PDE1C: variants seen among roughly 807,000 people sequenced by gnomAD.
PDE1C encodes the protein dual specificity calcium/calmodulin-dependent 3',5'-cyclic nucleotide phosphodiesterase 1C.
PDE1C carries 62 observed loss-of-function variants against 93.1 expected under a neutral mutation model. The observed-to-expected ratio is 0.67, with a 90% CI of 0.54 to 0.82. PDE1C has a LOEUF of 0.82. Ranked by LOEUF, PDE1C falls within the 40% of genes least tolerant of loss-of-function variation. PDE1C has a pLI of 0.00. For synonymous variants in PDE1C, 325 were observed against 310.1 expected (o/e 1.05, Z -0.50); for missense variants, 742 against 884.6 (o/e 0.84, Z 2.04).
chr7:32,107,632 C>T (rs1798397216), intron 3 of PDE1C, among the ~76,000 whole-genome samples: 1 of 151,960 alleles, frequency 6.6e-6, no homozygotes, highest in Non-Finnish European at 1.5e-5. Context: ...CACCAGTAGA[C>T]CTACCTTGCC....
intron 1 of PDE1C, among the ~76,000 whole-genome samples, chr7:32,381,777 T>C (rs1784539985): frequency 6.6e-6 from 1 of 152,184 alleles, no homozygotes; most frequent in South Asian, 2.1e-4. Flanking sequence ...AAAGAATATA[T>C]TTGTTTGCAT....
the PDE1C span, among the ~76,000 whole-genome samples, chr7:31,690,213 G>C: frequency 6.6e-6 from 1 of 152,136 alleles, no homozygotes; most frequent in Non-Finnish European, 1.5e-5. Context: ...ATTATACAAC[G>C]GGTCTTCCTT....
At chr7:31,989,082 GAAAGAAAC>G (rs893673993) in intron 2 of PDE1C, among the ~76,000 whole-genome samples, 1 of 144,260 alleles carries the variant, frequency 6.9e-6, no homozygotes, top group African/African-American at 2.6e-5. Flanking sequence ...AAGAGAGAGA[GAAAGAAAC>G]AAAGAAAGAA....
intron 3 of PDE1C, among the ~76,000 whole-genome samples, chr7:32,143,652 G>A (rs1459161405): frequency 6.6e-6 from 1 of 152,106 alleles, no homozygotes; most frequent in Non-Finnish European, 1.5e-5. Context: ...ATCTTCCTCT[G>A]CCCACAGCCA....
chr7:31,886,094 T>C (rs1469614887), intron 2 of PDE1C, among the ~76,000 whole-genome samples: 1 of 152,194 alleles, frequency 6.6e-6, no homozygotes, highest in Non-Finnish European at 1.5e-5. Context: ...GAGAGAGAAC[T>C]GGATCTTTTA....
At chr7:32,198,954 T>C (rs1804808518) in intron 2 of PDE1C, among the ~76,000 whole-genome samples, 1 of 151,338 alleles carries the variant, frequency 6.6e-6, no homozygotes, top group South Asian at 2.1e-4. Context: ...CTGTCTCTAC[T>C]GAAAAAAAAA....
the PDE1C span, chr7:31,653,708 T>C: frequency 1.3e-5 from 2 of 152,230 alleles, no homozygotes; most frequent in Admixed American, 1.3e-4. Context: ...TTTTCCCTTT[T>C]ACTTCATAAT....
the PDE1C span, chr7:31,658,418 T>C: frequency 6.7e-7 from 1 of 1,481,872 alleles, no homozygotes; most frequent in Non-Finnish European, 8.9e-7. Flanking sequence ...GAGAAAATAA[T>C]CAGTTTCCAG....
the PDE1C span, among the ~76,000 whole-genome samples, chr7:31,681,574 C>T: frequency 6.6e-6 from 1 of 152,160 alleles, no homozygotes; most frequent in Non-Finnish European, 1.5e-5. Context: ...TGGTAGAGCA[C>T]CCAATGCACC....
At chr7:31,663,520 C>T in the PDE1C span, among the ~76,000 whole-genome samples, 2 of 152,146 alleles carry the variant, frequency 1.3e-5, no homozygotes, top group African/African-American at 4.8e-5. Context: ...CGGAAAATAT[C>T]GGAGGATATA....
chr7:32,106,071 C>A (rs1352494890), intron 3 of PDE1C, among the ~76,000 whole-genome samples: 1 of 151,934 alleles, frequency 6.6e-6, no homozygotes, highest in Non-Finnish European at 1.5e-5. Context: ...GAGTGCAATG[C>A]TCTGATCATG....
chr7:31,852,838 C>T (rs1793514814), intron 7 of PDE1C, among the ~76,000 whole-genome samples: 1 of 142,068 alleles, frequency 7.0e-6, no homozygotes, highest in African/African-American at 2.6e-5. Context: ...ATTATCCATA[C>T]ATATATTACA....
At chr7:31,674,907 C>T in the PDE1C span, among the ~76,000 whole-genome samples, 3 of 152,126 alleles carry the variant, frequency 2.0e-5, no homozygotes, top group East Asian at 5.8e-4. Context: ...AAAACTCAAA[C>T]AAACAAACAA....
intron 1 of PDE1C, among the ~76,000 whole-genome samples, chr7:32,254,785 G>C (rs1415639101): frequency 6.6e-6 from 1 of 152,004 alleles, no homozygotes; most frequent in African/African-American, 2.4e-5. Context: ...CTACCAAGGA[G>C]TTATACTCCA....
intron 1 of PDE1C, among the ~76,000 whole-genome samples, chr7:32,308,040 C>T (rs1813060534): frequency 6.6e-6 from 1 of 152,236 alleles, no homozygotes; most frequent in African/African-American, 2.4e-5. Flanking sequence ...TAATACTGCA[C>T]TTTTCCAATG....
chr7:31,692,022 C>T, the PDE1C span, among the ~76,000 whole-genome samples: 4 of 152,130 alleles, frequency 2.6e-5, no homozygotes, highest in African/African-American at 9.7e-5. Context: ...CATAATCCTA[C>T]TTTGCAGAAC....
intron 1 of PDE1C, among the ~76,000 whole-genome samples, chr7:32,396,349 G>A (rs7811312): frequency 1.3e-5 from 2 of 151,982 alleles, no homozygotes; most frequent in Admixed American, 6.6e-5. Flanking sequence ...ATGGTGGTGC[G>A]TGCCTGTAGT....
intron 1 of PDE1C, among the ~76,000 whole-genome samples, chr7:32,398,667 G>A (rs1784885816): frequency 6.6e-6 from 1 of 152,112 alleles, no homozygotes; most frequent in Admixed American, 6.5e-5. Context: ...GGGATTACAG[G>A]CGTGAACCAC....
the PDE1C span, among the ~76,000 whole-genome samples, chr7:31,723,575 C>A: frequency 2.0e-5 from 3 of 152,182 alleles, no homozygotes; most frequent in Non-Finnish European, 4.4e-5. Flanking sequence ...TCAGGATGGA[C>A]AGACACACCT....
Sources: allele counts gnomAD v4.1 joint callset (sites outside exome capture counted in the v4.1 genomes callset), GRCh38; gene constraint gnomAD v4.1.1; transcripts MANE v1.5; gene names NCBI Gene and HGNC (gene_info 2026-07-23, HGNC 2026-07-21).